MYO3B: variants seen among roughly 807,000 people sequenced by gnomAD.
The protein encoded by MYO3B is myosin-IIIb.
In MYO3B, 156 loss-of-function variants were observed where a neutral mutation model predicts 174.6. The ratio of observed to expected loss-of-function variants is 0.89; its 90% CI spans 0.78 to 1.02. MYO3B has a LOEUF of 1.02. Ranked by LOEUF, MYO3B falls within the 50% of genes least tolerant of loss-of-function variation. The probability of loss-of-function intolerance (pLI) is 0.00; values close to 1 mark genes in which losing one functional copy is unlikely to be tolerated. For synonymous variants in MYO3B, 563 were observed against 569.1 expected, an observed-to-expected ratio of 0.99 and a Z score of 0.15; for missense variants, 1,632 against 1,639.4, an observed-to-expected ratio of 1.00 and a Z score of 0.08.
chr2:170,212,399 G>C (rs939211978), intron 3 of MYO3B, among the ~76,000 whole-genome samples: 1 of 152,088 alleles, frequency 6.6e-6, no homozygotes, highest in Non-Finnish European at 1.5e-5. Flanking sequence ...ATATGGGGGG[G>C]CATAATTTCT....
intron 7 of MYO3B, among the ~76,000 whole-genome samples, chr2:170,261,087 G>A (rs2093342114): frequency 6.6e-6 from 1 of 152,148 alleles, no homozygotes; most frequent in African/African-American, 2.4e-5. Flanking sequence ...GCAATGACAC[G>A]ATCTTGGCTC....
chr2:170,506,972 C>T (rs1232567499), intron 28 of MYO3B, among the ~76,000 whole-genome samples: 1 of 152,128 alleles, frequency 6.6e-6, no homozygotes, highest in Non-Finnish European at 1.5e-5. Context: ...TTCACTTTTT[C>T]TTCACTCATT....
intron 32 of MYO3B, among the ~76,000 whole-genome samples, chr2:170,639,444 G>A (rs2105434408): frequency 6.6e-6 from 1 of 152,342 alleles, no homozygotes; most frequent in South Asian, 2.1e-4. Context: ...TGTCAAAGAT[G>A]AAGTCAGTCA....
At chr2:170,568,632 C>G (rs1379661845) in intron 32 of MYO3B, among the ~76,000 whole-genome samples, 3 of 152,196 alleles carry the variant, frequency 2.0e-5, no homozygotes, top group Non-Finnish European at 4.4e-5. Context: ...TGCAGAGGCT[C>G]TTGTCCCATT....
At chr2:170,208,772 CT>C (rs1301581206) in intron 3 of MYO3B, among the ~76,000 whole-genome samples, 1 of 152,126 alleles carries the variant, frequency 6.6e-6, no homozygotes, top group Non-Finnish European at 1.5e-5. Flanking sequence ...GCAAAATAGA[CT>C]TTAGTCTTAC....
rs182984243 is a variant in MYO3B, at chr2:170,649,691, G to C, written c.3734-1937G>C. 1.2e-3 allele frequency among the ~76,000 whole-genome samples: 185 copies of C among 150,792 alleles called. 3 individuals carry two copies. The East Asian group carries it at 0.029, about 24-fold the overall frequency. ...AAAATACAAAAATTTGCTGGGTGTGGTGGTGCACACCTGTAATCCCAGCTA... is the reference window on the plus strand; with the variant it reads ...AAAATACAAAAATTTGCTGGGTGTGCTGGTGCACACCTGTAATCCCAGCTA... On this transcript the variant is annotated intron_variant, in intron 32 of 34. Transcript: ENST00000408978.
At chr2:170,389,777 A>G (rs1027309650) in intron 14 of MYO3B, among the ~76,000 whole-genome samples, 1 of 151,934 alleles carries the variant, frequency 6.6e-6, no homozygotes, top group African/African-American at 2.4e-5. Flanking sequence ...TAGGAGGCAG[A>G]CTCTAGGTTT....
chr2:170,528,670 T>G (rs1398232505), intron 30 of MYO3B, among the ~76,000 whole-genome samples: 1 of 152,194 alleles, frequency 6.6e-6, no homozygotes, highest in Non-Finnish European at 1.5e-5. Context: ...CTTCCCAAAG[T>G]GCTGAGATTG....
At chr2:170,591,205 A>G (rs1693800795) in intron 32 of MYO3B, among the ~76,000 whole-genome samples, 1 of 152,180 alleles carries the variant, frequency 6.6e-6, no homozygotes. Flanking sequence ...TCCTTTGAGC[A>G]TCAGCGGATT....
At chr2:170,421,282 A>G (rs986399184) in intron 22 of MYO3B, among the ~76,000 whole-genome samples, 12 of 152,218 alleles carry the variant, frequency 7.9e-5, no homozygotes, top group African/African-American at 2.7e-4. Context: ...TTCTGAATGT[A>G]GAGAGATGAG....
At chr2:170,560,428 G>A (rs1030745828) in intron 32 of MYO3B, among the ~76,000 whole-genome samples, 1 of 152,160 alleles carries the variant, frequency 6.6e-6, no homozygotes, top group African/African-American at 2.4e-5. Flanking sequence ...GCTTAGCAGT[G>A]AGCAATTAGA....
At chr2:170,552,324 T>G (rs1690976277) in intron 32 of MYO3B, among the ~76,000 whole-genome samples, 1 of 152,180 alleles carries the variant, frequency 6.6e-6, no homozygotes, top group African/African-American at 2.4e-5. Flanking sequence ...GATAGTGATA[T>G]GGACAGTGAA....
intron 9 of MYO3B, among the ~76,000 whole-genome samples, chr2:170,376,107 A>C (rs916409611): frequency 6.6e-6 from 1 of 152,194 alleles, no homozygotes; most frequent in Non-Finnish European, 1.5e-5. Flanking sequence ...AAATGGGCAG[A>C]TACTATAATA....
chr2:170,321,429 G>A (rs73978338), intron 7 of MYO3B, among the ~76,000 whole-genome samples: 6,568 of 152,020 alleles, frequency 0.043, 198 homozygotes, highest in Middle Eastern at 0.13. Context: ...AAAAAAGAGA[G>A]AAAGTTTAAA....
At chr2:170,347,372 C>T (rs2094024440) in intron 8 of MYO3B, among the ~76,000 whole-genome samples, 1 of 152,112 alleles carries the variant, frequency 6.6e-6, no homozygotes. Context: ...TAGGCTGAGG[C>T]AGACAGATCA....
chr2:170,402,407 C>G (rs900305415), intron 18 of MYO3B, among the ~76,000 whole-genome samples: 4 of 152,122 alleles, frequency 2.6e-5, no homozygotes, highest in African/African-American at 9.7e-5. Context: ...ACTATTCCTA[C>G]TTCTTCAACT....
At chr2:170,618,806 T>C (rs1027855890) in intron 32 of MYO3B, among the ~76,000 whole-genome samples, 2 of 151,494 alleles carry the variant, frequency 1.3e-5, no homozygotes, top group Non-Finnish European at 2.9e-5. Context: ...TAACATAACA[T>C]TTGTATGTAG....
At chr2:170,491,716 T>C (rs1265702084) in intron 25 of MYO3B, among the ~76,000 whole-genome samples, 1 of 152,236 alleles carries the variant, frequency 6.6e-6, no homozygotes, top group African/African-American at 2.4e-5. Context: ...TGAGCCACTG[T>C]GCCTGGCCAT....
chr2:170,225,896 A>G (rs1042518791), intron 6 of MYO3B, among the ~76,000 whole-genome samples: 4 of 152,244 alleles, frequency 2.6e-5, no homozygotes, highest in Admixed American at 1.3e-4. Context: ...CAGTGGTGGC[A>G]TATGTTGCCC....
Sources: allele counts gnomAD v4.1 joint callset (sites outside exome capture counted in the v4.1 genomes callset), GRCh38; gene constraint gnomAD v4.1.1; transcripts MANE v1.5; gene names NCBI Gene and HGNC (gene_info 2026-07-23, HGNC 2026-07-21).